TAF12: variants seen among roughly 807,000 people sequenced by gnomAD.
TAF12 encodes transcription initiation factor TFIID subunit 12.
Under a neutral mutation model 20.8 loss-of-function variants are expected in TAF12, and 3 were observed. That is an observed-to-expected ratio of 0.14 (90% CI 0.07 to 0.37). TAF12 has a LOEUF of 0.37. TAF12 is among the 10% of genes least tolerant of loss of function. The pLI, the probability that TAF12 is intolerant of heterozygous loss-of-function variation, is 1.00. For synonymous variants in TAF12, 69 were observed against 70.2 expected (o/e 0.98, Z 0.09); for missense variants, 131 against 197.9 (o/e 0.66, Z 2.03).
chr1:28,619,091 C>T (rs1667128233), intron 2 of TAF12, among the ~76,000 whole-genome samples: 1 of 152,014 alleles, frequency 6.6e-6, no homozygotes, highest in Non-Finnish European at 1.5e-5. Context: ...GTGGCTCACG[C>T]CTGTAATCCC....
intron 3 of TAF12, among the ~76,000 whole-genome samples, chr1:28,615,712 A>AAAAAAAC (rs1667016412): frequency 8.1e-6 from 1 of 122,940 alleles, no homozygotes. Context: ...AAAAAAAAAA[A>AAAAAAAC]GAAGCTAAGG....
At chr1:28,648,042 T>C (rs568417075), upstream of TAF12, among the ~76,000 whole-genome samples, 1 of 152,226 alleles carries the variant, frequency 6.6e-6, no homozygotes, top group African/African-American at 2.4e-5. Flanking sequence ...CATGCCACAA[T>C]ATGAACACAC....
chr1:28,606,408 G>C (rs1250742312), intron 4 of TAF12, among the ~76,000 whole-genome samples: 1 of 152,098 alleles, frequency 6.6e-6, no homozygotes. Context: ...CGAAGTGCTG[G>C]GATTACAGGC....
chr1:28,643,051 C>G lies in TAF12; in HGVS notation c.-144G>C, dbSNP rs1668091847. 1.0e-6 allele frequency: 1 copy of G among 985,926 alleles called. No homozygotes were observed. The highest frequency in any genetic ancestry group is 4.7e-5 in the South Asian group (1 of 21,290). 61.1% of individuals were successfully genotyped at this position (985,926 alleles called of 1,614,324 possible). A position where few individuals can be genotyped will look rare whatever the true frequency, so the allele number is the denominator to read the frequency against. On this transcript the variant is annotated 5_prime_UTR_variant, in exon 1 of 6. Transcript: ENST00000373824. ...GACTGCCCCAGTGAAGCGTTCGTCT[C>G]AGCAGCCGGTCCGACTGCGCGGCCC...
chr1:28,603,595 G>A (rs752181364), intron 5 of TAF12, 21 bp from the exon 6 acceptor site: 9 of 1,613,542 alleles, frequency 5.6e-6, no homozygotes, highest in Non-Finnish European at 7.6e-6. Flanking sequence ...AGACAAATAA[G>A]CAGTTATACA....
upstream of TAF12, among the ~76,000 whole-genome samples, chr1:28,647,418 G>C (rs191745980): frequency 2.0e-5 from 3 of 152,228 alleles, no homozygotes; most frequent in East Asian, 5.8e-4. Context: ...CTTTGGGGTA[G>C]CTGGGACCAC....
intron 2 of TAF12, among the ~76,000 whole-genome samples, chr1:28,619,358 C>T (rs1349499174): frequency 1.3e-5 from 2 of 150,890 alleles, no homozygotes; most frequent in East Asian, 3.9e-4. Context: ...ATTAGCCAGG[C>T]GTGGTGGCGG....
intron 2 of TAF12, among the ~76,000 whole-genome samples, chr1:28,620,650 A>T (rs1376295953): frequency 1.4e-5 from 2 of 146,438 alleles, no homozygotes; most frequent in Non-Finnish European, 3.0e-5. Context: ...GTTAGCCAGG[A>T]TGGTCTTGAT....
At chr1:28,632,987 C>T (rs932860238) in intron 1 of TAF12, among the ~76,000 whole-genome samples, 6 of 151,962 alleles carry the variant, frequency 3.9e-5, no homozygotes, top group African/African-American at 1.4e-4. Flanking sequence ...TCTCAGCCTC[C>T]CAAGTAGCTC....
intron 1 of TAF12, among the ~76,000 whole-genome samples, chr1:28,641,470 C>T (rs951130164): frequency 6.6e-6 from 1 of 151,652 alleles, no homozygotes; most frequent in Non-Finnish European, 1.5e-5. Flanking sequence ...GTGACTCTGT[C>T]TCAAAAAAAC....
At chr1:28,646,597 C>G (rs1668191867), upstream of TAF12, among the ~76,000 whole-genome samples, 1 of 151,952 alleles carries the variant, frequency 6.6e-6, no homozygotes, top group Admixed American at 6.6e-5. Context: ...ATGGCACAGT[C>G]TCGGCTCGCT....
At chr1:28,645,339 C>T (rs1259952983), upstream of TAF12, among the ~76,000 whole-genome samples, 5 of 137,730 alleles carry the variant, frequency 3.6e-5, no homozygotes, top group South Asian at 9.5e-4. Context: ...CCGGCCTCTT[C>T]TTTTTTTTTT....
At chr1:28,634,696 G>A (rs550567677) in intron 1 of TAF12, among the ~76,000 whole-genome samples, 43 of 152,234 alleles carry the variant, frequency 2.8e-4, no homozygotes, top group Non-Finnish European at 4.7e-4. Flanking sequence ...TTGGGAGGCC[G>A]AGGTGGGCAG....
At chr1:28,639,882 T>C (rs904704135) in intron 1 of TAF12, among the ~76,000 whole-genome samples, 5 of 151,644 alleles carry the variant, frequency 3.3e-5, no homozygotes. Context: ...CATTCTGTTG[T>C]CCAGGCTGGA....
rs77517507 is a variant in TAF12, at chr1:28,607,004, C to T, written c.362-1544G>A. 1.9e-4 allele frequency among the ~76,000 whole-genome samples: 29 copies of T among 152,326 alleles called. 1 individual carries two copies. The East Asian group carries it at 5.4e-3, about 28-fold the overall frequency. On this transcript the variant is annotated intron_variant, in intron 4 of 5. Transcript: ENST00000373824. ...CACACCACAGTTCCATGACCTGGTG[C>T]CCCTGGATATTATCTTCCTTATAAG...
intron 1 of TAF12, among the ~76,000 whole-genome samples, chr1:28,641,793 CAAAA>C (rs35540210): frequency 5.8e-5 from 5 of 86,474 alleles, no homozygotes; most frequent in Admixed American, 2.8e-4. Context: ...GAACCTGTCT[CAAAA>C]AAAAAAAAAA....
intron 2 of TAF12, among the ~76,000 whole-genome samples, chr1:28,619,879 G>C (rs1199185707): frequency 3.3e-5 from 5 of 151,390 alleles, no homozygotes; most frequent in African/African-American, 1.2e-4. Context: ...GAATTGGGAG[G>C]AGGAGGTTGC....
chr1:28,631,045 CAAAAAAAAAA>C, intron 1 of TAF12, among the ~76,000 whole-genome samples: 1 of 52,950 alleles, frequency 1.9e-5, no homozygotes, highest in East Asian at 6.0e-4. Flanking sequence ...ACTCCGTCTC[CAAAAAAAAAA>C]AAAAAAAAAA....
chr1:28,643,050 T>G lies in TAF12; in HGVS notation c.-143A>C. On this transcript the variant is annotated 5_prime_UTR_variant, in exon 1 of 6. Transcript: ENST00000373824. ...AGACTGCCCCAGTGAAGCGTTCGTC[T>G]CAGCAGCCGGTCCGACTGCGCGGCC... 1 of 985,890 alleles carries G rather than the reference T, an allele frequency of 1.0e-6. No individual in the cohort carries two copies. Among genetic ancestry groups the G allele is most frequent in the Non-Finnish European group, 1.2e-6 (1 of 829,954 alleles). 61.1% of individuals were successfully genotyped at this position (985,890 alleles called of 1,614,324 possible). A position where few individuals can be genotyped will look rare whatever the true frequency, so the allele number is the denominator to read the frequency against.
Sources: gnomAD v4.1 joint callset for allele counts (sites outside exome capture counted in the v4.1 genomes callset) on GRCh38, gnomAD v4.1.1 for gene constraint, MANE v1.5 for transcripts, NCBI Gene and HGNC (gene_info 2026-07-23, HGNC 2026-07-21) for gene names.